The following SALL2 variants were observed in gnomAD, a reference collection of about 807,000 sequenced individuals.
The protein encoded by SALL2 is spalt like transcription factor 2.
A neutral mutation model predicts 58.5 loss-of-function variants in SALL2; 32 were observed. That is an observed-to-expected ratio of 0.55 (90% CI 0.41 to 0.74). The LOEUF (loss-of-function observed/expected upper bound fraction) is 0.74. Among genes scored for constraint, SALL2 ranks in the 30% least tolerant of loss-of-function variants. The pLI is 0.00. For missense variants in SALL2, 1,201 were observed against 1,268.9 expected (o/e 0.95, Z 0.81); for synonymous variants, 516 against 513.6 (o/e 1.00, Z -0.06).
chr14:21,523,851 G>A lies in SALL2; in HGVS notation c.1871C>T (p.Ala624Val), dbSNP rs759195100. Residue 624 changes from alanine (A) to valine (V), a missense_variant, in exon 2 of 2, where the codon GCC (alanine) becomes GTC (valine). Coordinates refer to ENST00000537235, the MANE Select transcript of SALL2 (RefSeq NM_001364564.1). The surrounding 1 kb of genome is among the most constrained non-coding windows in gnomAD (Gnocchi z 4.4). Reference protein sequence around the residue: ...TTSAPAPSSSASSGPNQCVIC... With the variant: ...TTSAPAPSSSVSSGPNQCVIC... ...GACACACTGGTTAGGTCCAGAAGAG[G>A]CTGAGGATGAAGGTGCAGGGGCAGA... 3.1e-6 allele frequency: 5 copies of A among 1,614,112 alleles called. No individual in the cohort carries two copies. The East Asian group carries it at 8.9e-5, about 29-fold the overall frequency.
In SALL2 at chr14:21,523,261, T is replaced by C. The variant is rs1892123123; in HGVS notation, c.2461A>G (p.Lys821Glu). The C allele has an allele frequency of 1.2e-6, 2 of 1,613,610 alleles. No homozygotes were observed. The highest frequency in any genetic ancestry group is 1.7e-5 in the Admixed American group (1 of 60,006). The change falls in exon 2 of 2, where the codon AAG becomes GAG. Residue 821 changes from lysine (K) to glutamate (E), a missense_variant. Coordinates refer to ENST00000537235, the MANE Select transcript of SALL2 (RefSeq NM_001364564.1). This position sits in a 1 kb window ranked among gnomAD's most constrained non-coding sequence, Gnocchi z 4.4. ...GTVAAAATAG[K>E]EMDSNEKTTQ... Reference sequence around the variant, plus strand: ...GTTTTCTCATTACTGTCCATCTCCTTCCCAGCTGTGGCTGCTGCCGCCACT... The same window carrying C: ...GTTTTCTCATTACTGTCCATCTCCTCCCCAGCTGTGGCTGCTGCCGCCACT...
rs768413774 is a variant in SALL2 at position 21,522,268 on chromosome 14, C to A, written c.*436G>T. The A allele has an allele frequency of 2.6e-6, 4 of 1,563,524 alleles. No individual in the cohort carries two copies. The highest frequency in any genetic ancestry group is 3.4e-6 in the Non-Finnish European group (4 of 1,160,238). ...TTCTAGAAAGATAGGGGACCCATAC[C>A]CACCAGCTGAGCAGAAAGGTCACCC... On this transcript the variant is annotated 3_prime_UTR_variant, in exon 2 of 2. Transcript: ENST00000537235.
In SALL2 at chr14:21,534,446, T is replaced by C. The variant is rs796275320; in HGVS notation, c.-114+2516A>G. ...GATGCCATTGGGTTTAAACCTTTAC[T>C]GTTTCTATGGGGATGGCTTTGTAGC... is the stretch of plus-strand genomic sequence containing the variant. On this transcript the variant is annotated intron_variant, in intron 1 of 1. Transcript: ENST00000541965. Among the ~76,000 whole-genome samples the C allele has an allele frequency of 1.1e-4, 17 of 152,294 alleles. 1 individual carries two copies. Among genetic ancestry groups the C allele is most frequent in the African/African-American group, 4.1e-4 (17 of 41,556 alleles).
Position 21,525,316 on chromosome 14 carries a change from C to G in SALL2, c.406G>C (p.Gly136Arg), listed in dbSNP as rs146483578. Reference protein sequence around the residue: ...AATGTAAGGGGGLILASPKLG... With the variant: ...AATGTAAGGGRGLILASPKLG... ...TTGGGACTGGCCAAGATCAGGCCCC[C>G]GCCTCCCCCAGCCGCTGTACCTGTG... Residue 136 changes from glycine (G) to arginine (R), a missense_variant, in exon 2 of 2, where the codon GGG (glycine) becomes CGG (arginine). Physicochemically the swap from Gly to Arg is moderately radical, Grantham distance 125. Transcript: ENST00000537235. The surrounding 1 kb of genome is among the most constrained non-coding windows in gnomAD (Gnocchi z 4.4). The G allele has an allele frequency of 2.3e-5, 37 of 1,613,428 alleles. No homozygotes were observed. Among genetic ancestry groups the G allele is most frequent in the Non-Finnish European group, 2.9e-5 (34 of 1,179,662 alleles).
upstream of SALL2, among the ~76,000 whole-genome samples, chr14:21,528,832 C>T (rs567528750): frequency 2.0e-5 from 3 of 152,278 alleles, no homozygotes; most frequent in South Asian, 6.2e-4. Context: ...CATTTGCTCC[C>T]TGGCCTTAGT....
At chr14:21,532,594 C>A (rs1190537960) in intron 1 of SALL2, among the ~76,000 whole-genome samples, 1 of 151,266 alleles carries the variant, frequency 6.6e-6, no homozygotes, top group Non-Finnish European at 1.5e-5. Flanking sequence ...TGAGCCGAGA[C>A]GTGCCACTGC....
rs201390640 is a variant in SALL2 at position 21,524,872 on chromosome 14, G to A, written c.850C>T (p.Pro284Ser). 6.2e-7 allele frequency: 1 copy of A among 1,614,172 alleles called. No homozygotes were observed. Among genetic ancestry groups the A allele is most frequent in the East Asian group, 2.2e-5 (1 of 44,878 alleles). Residue 284 changes from proline (P) to serine (S), a missense_variant, in exon 2 of 2, where the codon CCT (proline) becomes TCT (serine). By Grantham distance (74) the Pro-to-Ser change is moderately conservative. Coordinates refer to ENST00000537235, the MANE Select transcript of SALL2 (RefSeq NM_001364564.1). ...CGCCCAACCCCTCCAGCAGAGAAAG[G>A]ATGCTGTGACCCCAGTGGGTGGTAA... ...HLYHPLGSQHPFSAGGVGRSH... is the reference protein window; with the variant it reads ...HLYHPLGSQHSFSAGGVGRSH...
At position 21,525,471 on chromosome 14, in the gene SALL2, T is replaced by G. The variant is rs200391209; in HGVS notation, c.251A>C (p.His84Pro). The G allele has an allele frequency of 6.2e-6, 10 of 1,613,890 alleles. No homozygotes were observed. Among genetic ancestry groups the G allele is most frequent in the African/African-American group, 5.3e-5 (4 of 75,034 alleles). Residue 84 changes from histidine to proline, a missense_variant, in exon 2 of 2, where the codon CAC becomes CCC. By Grantham distance (77) the His-to-Pro change is moderately conservative. Transcript: ENST00000537235. This position sits in a 1 kb window ranked among gnomAD's most constrained non-coding sequence, Gnocchi z 4.4. The stretch of plus-strand genomic sequence containing the variant: ...TGTGTCCATGACCTGAGGATTATTG[T>G]GACCCTCAGGCCGGGGTTCAGAGGA... Reference protein sequence around the residue: ...SASSEPRPEGHNNPQVMDTEH... With the variant: ...SASSEPRPEGPNNPQVMDTEH...
At chr14:21,536,732 C>T in intron 1 of SALL2, 2 of 724,178 alleles carry the variant, frequency 2.8e-6, no homozygotes, top group South Asian at 3.4e-5. Context: ...TTCAAACCCC[C>T]AGTGACCAAG....
In SALL2 at chr14:21,523,270, T is replaced by C; in HGVS notation, c.2452A>G (p.Thr818Ala). ...TTACTGTCCATCTCCTTCCCAGCTG[T>C]GGCTGCTGCCGCCACTGTCCCCACC... is the stretch of plus-strand genomic sequence containing the variant. ...EEVGTVAAAA[T>A]AGKEMDSNEK... Residue 818 changes from threonine (T) to alanine (A), a missense_variant, in exon 2 of 2, where the codon ACA becomes GCA. By Grantham distance (58) the Thr-to-Ala change is moderately conservative (BLOSUM62 0). Transcript: ENST00000537235. This position sits in a 1 kb window ranked among gnomAD's most constrained non-coding sequence, Gnocchi z 4.4. 1 of 1,613,402 alleles carries C rather than the reference T, an allele frequency of 6.2e-7. No individual in the cohort carries two copies. The highest frequency in any genetic ancestry group is 1.1e-5 in the South Asian group (1 of 91,074).
Position 21,525,278 on chromosome 14 carries a change from G to A in SALL2, c.444C>T (p.Thr148=). 1.2e-6 allele frequency: 2 copies of A among 1,612,244 alleles called. No homozygotes were observed. Among genetic ancestry groups the A allele is most frequent in the Non-Finnish European group, 8.5e-7 (1 of 1,178,988 alleles). The stretch of plus-strand genomic sequence containing the variant: ...CAGGGGTCGATTCTGGAGGTAATGG[G>A]GTTGCTCCCAGCTTGGGACTGGCCA... ...LILASPKLGA[T]PLPPESTPAP... The change falls in exon 2 of 2, where the codon ACC becomes ACT. Residue 148 remains threonine (T), a synonymous_variant. Coordinates refer to ENST00000537235, the MANE Select transcript of SALL2 (RefSeq NM_001364564.1). This position sits in a 1 kb window ranked among gnomAD's most constrained non-coding sequence, Gnocchi z 4.4.
upstream of SALL2, among the ~76,000 whole-genome samples, chr14:21,527,095 A>G (rs578133126): frequency 2.6e-5 from 4 of 152,086 alleles, no homozygotes; most frequent in African/African-American, 9.6e-5. Context: ...TTCCTCCTCT[A>G]TTCTCCTCTT....
intron 1 of SALL2, among the ~76,000 whole-genome samples, chr14:21,534,580 G>C (rs569962408): frequency 1.7e-4 from 26 of 152,198 alleles, no homozygotes; most frequent in African/African-American, 6.3e-4. Flanking sequence ...TTTTTCCTCA[G>C]CTATGATATG....
intron 1 of SALL2, among the ~76,000 whole-genome samples, chr14:21,532,621 C>G (rs1263083953): frequency 6.6e-6 from 1 of 151,832 alleles, no homozygotes; most frequent in African/African-American, 2.4e-5. Flanking sequence ...GCCTGGGCAA[C>G]AGAGTAGGAC....
rs1002583140 is a variant in SALL2, at chr14:21,526,263, G to A, written c.-136C>T. Reference sequence around the variant, plus strand: ...TGCGGAGATGGAGATCGGCAGCGGCGGGGGCAGGGAGCAGCGGCGGAGGGG... The same window carrying A: ...TGCGGAGATGGAGATCGGCAGCGGCAGGGGCAGGGAGCAGCGGCGGAGGGG... On this transcript the variant is annotated 5_prime_UTR_variant, in exon 1 of 2. Transcript: ENST00000537235. 1 of 1,446,920 alleles carries A rather than the reference G, an allele frequency of 6.9e-7. No homozygotes were observed. Among genetic ancestry groups the A allele is most frequent in the Non-Finnish European group, 9.1e-7 (1 of 1,103,266 alleles). 89.6% of individuals were successfully genotyped at this position (1,446,920 alleles called of 1,614,324 possible). A position where few individuals can be genotyped will look rare whatever the true frequency, so the allele number is the denominator to read the frequency against.
Position 21,525,933 on chromosome 14 carries a change from G to C in SALL2, c.67+128C>G. On this transcript the variant is annotated intron_variant, in intron 1 of 1. Coordinates refer to ENST00000537235, the MANE Select transcript of SALL2 (RefSeq NM_001364564.1). This position sits in a 1 kb window ranked among gnomAD's most constrained non-coding sequence, Gnocchi z 4.4. ...TCCCCAGGCCACAAGCGAGTTCACG[G>C]AATAGGTGTGGGGACAGGGGCCTAC... The C allele has an allele frequency of 1.0e-6, 1 of 974,598 alleles. No homozygotes were observed. Among genetic ancestry groups the C allele is most frequent in the Non-Finnish European group, 1.6e-6 (1 of 644,456 alleles). The allele number at this position is 974,598 out of a possible 1,614,324, so 60.4% of individuals were successfully genotyped here.
upstream of SALL2, among the ~76,000 whole-genome samples, chr14:21,531,211 T>C (rs1280959478): frequency 6.6e-6 from 1 of 152,244 alleles, no homozygotes; most frequent in East Asian, 1.9e-4. Flanking sequence ...GAATGTTCTT[T>C]TAATGAAAAT....
At chr14:21,536,860 G>T in intron 1 of SALL2, 1 of 1,613,992 alleles carries the variant, frequency 6.2e-7, no homozygotes, top group Non-Finnish European at 8.5e-7. Context: ...GTTCTCAGAC[G>T]CGCTGGGACC....
chr14:21,529,977 C>T (rs908261385), upstream of SALL2, among the ~76,000 whole-genome samples: 11 of 152,148 alleles, frequency 7.2e-5, no homozygotes, highest in African/African-American at 2.7e-4. Context: ...TTCCATCATA[C>T]CTTCCACCCT....
Sources: allele counts gnomAD v4.1 joint callset (sites outside exome capture counted in the v4.1 genomes callset), GRCh38; gene constraint gnomAD v4.1.1; non-coding constraint Gnocchi (gnomAD v3.1); transcripts MANE v1.5; gene names NCBI Gene and HGNC (gene_info 2026-07-23, HGNC 2026-07-21).